AGL: variants seen among roughly 807,000 people sequenced by gnomAD.
AGL encodes the protein glycogen debranching enzyme.
AGL carries 128 observed loss-of-function variants against 199.3 expected under a neutral mutation model. The observed-to-expected ratio is 0.64, with a 90% CI of 0.56 to 0.74. The LOEUF is 0.74. AGL is among the 30% of genes least tolerant of loss of function. The pLI is 0.00. For missense variants in AGL, 1,809 were observed against 1,820.8 expected (o/e 0.99, Z 0.12); for synonymous variants, 584 against 594.7 (o/e 0.98, Z 0.26).
chr1:99,891,704 C>CA lies in AGL; in HGVS notation c.3049dup (p.Thr1017AsnfsTer53), dbSNP rs1557772907. 6.2e-7 allele frequency: 1 copy of CA among 1,613,470 alleles called. No homozygotes were observed. Among genetic ancestry groups the CA allele is most frequent in the Non-Finnish European group, 8.5e-7 (1 of 1,179,592 alleles). ...ATGCTATATTAATTGGTGCATATAC[C>CA]ACTCTTCTGGATACAGCATGGAAGC... is the stretch of plus-strand genomic sequence containing the variant. On this transcript the variant is annotated frameshift_variant, in exon 23 of 34. Transcript: ENST00000361915. LOFTEE classifies it high-confidence loss of function.
intron 28 of AGL, among the ~76,000 whole-genome samples, chr1:99,911,766 G>A (rs2100852327): frequency 6.6e-6 from 1 of 152,094 alleles, no homozygotes; most frequent in Non-Finnish European, 1.5e-5. Flanking sequence ...TTTATCTTCA[G>A]TAAGAATTGT....
At chr1:99,895,438 T>C (rs1028669701) in intron 24 of AGL, among the ~76,000 whole-genome samples, 2 of 152,204 alleles carry the variant, frequency 1.3e-5, no homozygotes, top group African/African-American at 4.8e-5. Flanking sequence ...ATTGTACATA[T>C]TGTGTACAGA....
At chr1:99,867,889 T>A (rs1650661297) in intron 5 of AGL, among the ~76,000 whole-genome samples, 1 of 152,142 alleles carries the variant, frequency 6.6e-6, no homozygotes. Flanking sequence ...ACCCAGCCCC[T>A]ACTTGCAGAG....
At chr1:99,876,398 T>C (rs919591000) in intron 10 of AGL, 60 bp from the exon 11 acceptor site, 1 of 1,292,122 alleles carries the variant, frequency 7.7e-7, no homozygotes, top group Non-Finnish European at 1.1e-6. Context: ...ATATTGCAAA[T>C]TTATATTCTC....
chr1:99,919,707 A>G (rs1334080727), intron 33 of AGL, among the ~76,000 whole-genome samples: 2 of 152,098 alleles, frequency 1.3e-5, no homozygotes, highest in South Asian at 2.1e-4. Context: ...CTCCCTTTCT[A>G]TATTTGTAAT....
chr1:99,898,049 CT>C (rs34959224), intron 25 of AGL, among the ~76,000 whole-genome samples: 8,670 of 142,442 alleles, frequency 0.061, 292 homozygotes, highest in East Asian at 0.16. Flanking sequence ...TAGCTTTTAC[CT>C]TTTTTTTTTT....
chr1:99,856,405 TCCTTCCTTCTTC>T (rs1175892760), intron 2 of AGL, among the ~76,000 whole-genome samples: 1 of 145,474 alleles, frequency 6.9e-6, no homozygotes, highest in Non-Finnish European at 1.5e-5. Flanking sequence ...CTTCCTTCTT[TCCTTCCTTCTTC>T]CCTTTCTTTT....
intron 24 of AGL, among the ~76,000 whole-genome samples, chr1:99,895,816 AAAT>A (rs1036553602): frequency 3.9e-5 from 6 of 152,180 alleles, no homozygotes; most frequent in African/African-American, 1.4e-4. Flanking sequence ...TCTCTACAAA[AAAT>A]ACAAAAACTA....
intron 5 of AGL, among the ~76,000 whole-genome samples, chr1:99,869,045 C>T (rs1034655430): frequency 3.3e-5 from 5 of 152,012 alleles, no homozygotes; most frequent in Non-Finnish European, 7.4e-5. Context: ...AGGCTGTCTC[C>T]AGCTCCTGGA....
At chr1:99,864,649 T>A in intron 5 of AGL, 60 bp downstream of exon 5, 1 of 1,387,320 alleles carries the variant, frequency 7.2e-7, no homozygotes, top group African/African-American at 1.4e-5. Flanking sequence ...CACACACATA[T>A]ACACACAAAT....
Position 99,921,796 on chromosome 1 carries a change from G to C in AGL, c.*145G>C, listed in dbSNP as rs1655529496. 6 of 534,986 alleles carry C rather than the reference G, an allele frequency of 1.1e-5. No individual in the cohort carries two copies. Among genetic ancestry groups the C allele is most frequent in the Non-Finnish European group, 1.3e-5 (4 of 307,990 alleles). The allele number at this position is 534,986 out of a possible 1,614,324, so 33.1% of individuals were successfully genotyped here. A position where few individuals can be genotyped will look rare whatever the true frequency, so the allele number is the denominator to read the frequency against. Reference sequence around the variant, plus strand: ...TGCTCAATTAGGTAAGATTGTAAAAGCATTGATTTTTTTTAATGTACAGAG... The same window carrying C: ...TGCTCAATTAGGTAAGATTGTAAAACCATTGATTTTTTTTAATGTACAGAG... On this transcript the variant is annotated 3_prime_UTR_variant, in exon 34 of 34. Transcript: ENST00000361915.
intron 20 of AGL, among the ~76,000 whole-genome samples, chr1:99,886,317 C>T (rs1420677969): frequency 6.6e-6 from 1 of 151,918 alleles, no homozygotes; most frequent in Non-Finnish European, 1.5e-5. Flanking sequence ...CTCTACAAAA[C>T]GTTTTAAAAA....
rs762269076 is a variant in AGL, at chr1:99,870,837, C to T, written c.926C>T (p.Ala309Val). 9.9e-6 allele frequency: 16 copies of T among 1,608,416 alleles called. No individual in the cohort carries two copies. The highest frequency in any genetic ancestry group is 6.0e-6 in the Non-Finnish European group (7 of 1,175,296). ...TTTTTCCAAGTAGATGTCAACAAAG[C>T]GGTTGAGCAATTTAGAAGACTTCTT... ...WEFFQVDVNK[A>V]VEQFRRLLTQ... is the part of the protein sequence containing the mutation. The change falls in exon 7 of 34, where the codon GCG (alanine) becomes GTG (valine). Residue 309 changes from alanine (A) to valine (V), a missense_variant. Ala to Val is a moderately conservative substitution (Grantham distance 64). Coordinates refer to ENST00000361915, the MANE Select transcript of AGL (RefSeq NM_000642.3).
At chr1:99,876,191 A>G (rs1450498084) in intron 10 of AGL, among the ~76,000 whole-genome samples, 4 of 152,222 alleles carry the variant, frequency 2.6e-5, no homozygotes, top group Admixed American at 1.3e-4. Flanking sequence ...ATGATTTTTT[A>G]AAATAATTTT....
chr1:99,918,499 T>G (rs1655291111), intron 33 of AGL, among the ~76,000 whole-genome samples: 1 of 152,144 alleles, frequency 6.6e-6, no homozygotes, highest in South Asian at 2.1e-4. Flanking sequence ...TGTTTTTTGA[T>G]TTTTGGAGCG....
chr1:99,861,100 C>A, intron 2 of AGL: 1 of 823,666 alleles, frequency 1.2e-6, no homozygotes, highest in Non-Finnish European at 1.5e-6. Flanking sequence ...CATAGAGAAA[C>A]TAGCTTTCTC....
At chr1:99,920,063 A>G (rs1655410452) in intron 33 of AGL, among the ~76,000 whole-genome samples, 1 of 152,188 alleles carries the variant, frequency 6.6e-6, no homozygotes, top group Admixed American at 6.5e-5. Context: ...GATACATTCC[A>G]TGTCCTAGTG....
At chr1:99,870,287 T>C in intron 5 of AGL, 113 bp from the exon 6 acceptor site, 1 of 1,124,232 alleles carries the variant, frequency 8.9e-7, no homozygotes, top group Non-Finnish European at 1.3e-6. Context: ...TGATGTCCAA[T>C]ATAGAAAAAA....
chr1:99,872,950 T>G (rs2814038), intron 7 of AGL, among the ~76,000 whole-genome samples: 113,002 of 152,010 alleles, frequency 0.74, 42,827 homozygotes, highest in African/African-American at 0.91. Flanking sequence ...TTGTCTCTTT[T>G]TTTATATCGA....
Sources: allele counts gnomAD v4.1 joint callset (sites outside exome capture counted in the v4.1 genomes callset), GRCh38; gene constraint gnomAD v4.1.1; transcripts MANE v1.5; gene names NCBI Gene and HGNC (gene_info 2026-07-23, HGNC 2026-07-21).